The following FAM124A variants were observed in gnomAD, a reference collection of about 807,000 sequenced individuals.
FAM124A encodes the protein family with sequence similarity 124 member A.
In FAM124A, 23 loss-of-function variants were observed where a neutral mutation model predicts 24.5. That is an observed-to-expected ratio of 0.94 (90% CI 0.68 to 1.33). The LOEUF is 1.33. FAM124A is among the 40% of genes most tolerant of loss of function. The pLI is 0.00. For synonymous variants in FAM124A, 287 were observed against 314.7 expected, an observed-to-expected ratio of 0.91 and a Z score of 0.93; for missense variants, 623 against 722.8, an observed-to-expected ratio of 0.86 and a Z score of 1.58.
At chr13:51,247,903 A>G (rs987304875) in intron 2 of FAM124A, among the ~76,000 whole-genome samples, 23 of 152,320 alleles carry the variant, frequency 1.5e-4, no homozygotes, top group African/African-American at 5.1e-4. Context: ...TGAATGTTCA[A>G]CCAAACCGAA....
chr13:51,230,705 A>G (rs1236539065), intron 1 of FAM124A, among the ~76,000 whole-genome samples: 2 of 152,234 alleles, frequency 1.3e-5, no homozygotes, highest in African/African-American at 2.4e-5. Flanking sequence ...ATTTCTCAGC[A>G]TAGAAACTGA....
At chr13:51,223,851 C>A (rs1954288940) in intron 1 of FAM124A, among the ~76,000 whole-genome samples, 1 of 151,578 alleles carries the variant, frequency 6.6e-6, no homozygotes, top group African/African-American at 2.4e-5. Context: ...CTTTTTTTTT[C>A]TGCCATTAGT....
In FAM124A at chr13:51,272,233, G is replaced by A. The variant is rs149150377; in HGVS notation, c.835-8217G>A. On this transcript the variant is annotated intron_variant, in intron 3 of 3. Transcript: ENST00000322475. This position sits in a 1 kb window ranked among gnomAD's most constrained non-coding sequence, Gnocchi z 4.2. ...TTACAAGGAAGTTGGGGGCACAGGA[G>A]GTCAGTAGGTTGGCTTTGGGGGCAC... Among the ~76,000 whole-genome samples, 93 of 152,170 alleles carry A rather than the reference G, an allele frequency of 6.1e-4. No individual in the cohort carries two copies. The highest frequency in any genetic ancestry group is 2.2e-3 in the African/African-American group (91 of 41,518).
intron 2 of FAM124A, among the ~76,000 whole-genome samples, chr13:51,246,628 C>T (rs1954565703): frequency 6.6e-6 from 1 of 152,150 alleles, no homozygotes; most frequent in South Asian, 2.1e-4. Context: ...TCTTCGTCAT[C>T]CTGGCTCGCC....
intron 3 of FAM124A, among the ~76,000 whole-genome samples, chr13:51,259,389 C>T (rs942812581): frequency 6.6e-6 from 1 of 151,692 alleles, no homozygotes; most frequent in African/African-American, 2.4e-5. Flanking sequence ...CTCCCACTCC[C>T]GCTGACCTCC....
rs772701284 is a variant in FAM124A at position 51,280,955 on chromosome 13, C to T, written c.1340C>T (p.Ser447Phe). 27 of 1,614,112 alleles carry T rather than the reference C, an allele frequency of 1.7e-5. No individual in the cohort carries two copies. The highest frequency in any genetic ancestry group is 2.3e-5 in the Non-Finnish European group (27 of 1,180,006). Residue 447 changes from serine to phenylalanine, a missense_variant, in exon 4 of 4, where the codon TCC (serine) becomes TTC (phenylalanine). By Grantham distance (155) the Ser-to-Phe change is radical. Coordinates refer to ENST00000322475, the MANE Select transcript of FAM124A (RefSeq NM_001242312.2). ...FCSTVETPLP[S>F]ERCSSHWAAH... ...AGCACAGTGGAGACACCCCTCCCCT[C>T]CGAAAGATGCAGCAGCCACTGGGCA...
intron 3 of FAM124A, among the ~76,000 whole-genome samples, chr13:51,277,917 T>C (rs571522397): frequency 7.0e-4 from 106 of 152,340 alleles, no homozygotes; most frequent in African/African-American, 2.5e-3. Context: ...AGTTGCAAAC[T>C]GTACTCAAAG....
intron 3 of FAM124A, among the ~76,000 whole-genome samples, chr13:51,254,417 TC>T (rs924015948): frequency 4.6e-5 from 7 of 152,166 alleles, no homozygotes; most frequent in Admixed American, 4.6e-4. Context: ...TGGGATCTAC[TC>T]ACCCCTTGTA....
chr13:51,256,974 A>G (rs1482062267), intron 3 of FAM124A, among the ~76,000 whole-genome samples: 2 of 152,206 alleles, frequency 1.3e-5, no homozygotes, highest in African/African-American at 4.8e-5. Flanking sequence ...TTCACTTGGC[A>G]TAATGTCCTC....
intron 2 of FAM124A, among the ~76,000 whole-genome samples, chr13:51,245,927 T>C (rs1275585364): frequency 2.0e-5 from 3 of 152,142 alleles, no homozygotes; most frequent in Non-Finnish European, 4.4e-5. Context: ...GGAAAAAATA[T>C]ATATATAACA....
At chr13:51,267,610 T>C (rs1954801325) in intron 3 of FAM124A, among the ~76,000 whole-genome samples, 1 of 152,198 alleles carries the variant, frequency 6.6e-6, no homozygotes, top group African/African-American at 2.4e-5. Context: ...AAGATTTTTT[T>C]TTTTCTAAAA....
At chr13:51,249,730 A>G (rs1954599444) in intron 2 of FAM124A, among the ~76,000 whole-genome samples, 1 of 152,118 alleles carries the variant, frequency 6.6e-6, no homozygotes, top group Non-Finnish European at 1.5e-5. Flanking sequence ...ACCCCAAGTT[A>G]CTATTCCGTT....
chr13:51,255,814 A>T (rs1411615694), intron 3 of FAM124A, among the ~76,000 whole-genome samples: 1 of 152,212 alleles, frequency 6.6e-6, no homozygotes, highest in East Asian at 1.9e-4. Flanking sequence ...GCCCCCACTC[A>T]TACCTCCTGG....
rs1555273658 is a variant in FAM124A, at chr13:51,246,399, T to TGGGCG, written c.101-5066_101-5065insCGGGG. ...CAGCTCCACAGAGGCATGTTTCTCG[T>TGGGCG]GGGGTGGGGGGGGGTGTAACTCTAA... On this transcript the variant is annotated intron_variant, in intron 2 of 3. Coordinates refer to ENST00000322475, the MANE Select transcript of FAM124A (RefSeq NM_001242312.2). Among the ~76,000 whole-genome samples the TGGGCG allele has an allele frequency of 3.0e-3, 276 of 91,146 alleles. 7 individuals are homozygous for TGGGCG. The highest frequency in any genetic ancestry group is 8.3e-3 in the East Asian group (28 of 3,374). The allele number at this position is 91,146 out of a possible 152,430, so 59.8% of individuals were successfully genotyped here.
chr13:51,247,642 A>AT (rs1220445495), intron 2 of FAM124A, among the ~76,000 whole-genome samples: 7 of 151,662 alleles, frequency 4.6e-5, no homozygotes, highest in South Asian at 4.2e-4. Flanking sequence ...ATCATCTGTC[A>AT]TTTTTTTCAG....
chr13:51,225,537 GA>G (rs1407255856), intron 1 of FAM124A, among the ~76,000 whole-genome samples: 1 of 152,218 alleles, frequency 6.6e-6, no homozygotes, highest in Non-Finnish European at 1.5e-5. Flanking sequence ...AGGAGCCTGA[GA>G]AAGAGTAGAC....
At position 51,281,285 on chromosome 13, in the gene FAM124A, A is replaced by G. The variant is rs1479958525; in HGVS notation, c.*29A>G. The G allele has an allele frequency of 6.6e-7, 1 of 1,525,394 alleles. No homozygotes were observed. Among genetic ancestry groups the G allele is most frequent in the Non-Finnish European group, 8.8e-7 (1 of 1,141,086 alleles). 94.5% of individuals were successfully genotyped at this position (1,525,394 alleles called of 1,614,324 possible). On this transcript the variant is annotated 3_prime_UTR_variant, in exon 4 of 4. Coordinates refer to ENST00000322475, the MANE Select transcript of FAM124A (RefSeq NM_001242312.2). ...CCCTCTGCTCTTGTTCTCGAAACAC[A>G]CAAACTCAGAGACACAGACTCAGGC... is the stretch of plus-strand genomic sequence containing the variant.
intron 3 of FAM124A, among the ~76,000 whole-genome samples, chr13:51,263,282 G>C (rs898712997): frequency 6.6e-6 from 1 of 152,260 alleles, no homozygotes; most frequent in Non-Finnish European, 1.5e-5. Context: ...ACCAGGCAGA[G>C]AGCCTGCTCT....
At chr13:51,274,364 A>G (rs1187116260) in intron 3 of FAM124A, among the ~76,000 whole-genome samples, 1 of 152,230 alleles carries the variant, frequency 6.6e-6, no homozygotes, top group African/African-American at 2.4e-5. Context: ...TTGGAAATCC[A>G]CAATCCAAAA....
Sources: allele counts gnomAD v4.1 joint callset (sites outside exome capture counted in the v4.1 genomes callset), GRCh38; gene constraint gnomAD v4.1.1; non-coding constraint Gnocchi (gnomAD v3.1); transcripts MANE v1.5; gene names NCBI Gene and HGNC (gene_info 2026-07-23, HGNC 2026-07-21).